TMPRSS9: variants seen among roughly 807,000 people sequenced by gnomAD.
The protein encoded by TMPRSS9 is transmembrane serine protease 9.
TMPRSS9 carries 113 observed loss-of-function variants against 111.4 expected under a neutral mutation model. The observed-to-expected ratio is 1.01, with a 90% CI of 0.87 to 1.19. TMPRSS9 has a LOEUF of 1.19. TMPRSS9 is among the 50% of genes most tolerant of loss of function. TMPRSS9 has a pLI of 0.00. For missense variants in TMPRSS9, 1,803 were observed against 1,513.1 expected, an observed-to-expected ratio of 1.19 and a Z score of -3.18; for synonymous variants, 805 against 659.1, an observed-to-expected ratio of 1.22 and a Z score of -3.39.
rs114622284 is a variant in TMPRSS9, at chr19:2,369,284, A to T, written c.-26+8924A>T. On this transcript the variant is annotated intron_variant, in intron 1 of 17. Coordinates refer to the TMPRSS9 transcript ENST00000649857. Reference sequence around the variant, plus strand: ...AAAAAAATTTTTTTGTACCTGGGTGAGTACGAAAGTGGAGCTGCTGTCTGA... The same window carrying T: ...AAAAAAATTTTTTTGTACCTGGGTGTGTACGAAAGTGGAGCTGCTGTCTGA... Among the ~76,000 whole-genome samples the T allele has an allele frequency of 4.9e-3, 744 of 152,268 alleles. 6 individuals carry two copies. Among genetic ancestry groups the T allele is most frequent in the African/African-American group, 0.017 (711 of 41,550 alleles).
chr19:2,382,921 G>T (rs1970403985), intron 1 of TMPRSS9, among the ~76,000 whole-genome samples: 1 of 152,202 alleles, frequency 6.6e-6, no homozygotes. Context: ...AGCTGATGCT[G>T]CAGTCTCAAG....
At chr19:2,364,269 G>A (rs1481836709) in intron 1 of TMPRSS9, among the ~76,000 whole-genome samples, 1 of 152,208 alleles carries the variant, frequency 6.6e-6, no homozygotes, top group Non-Finnish European at 1.5e-5. Flanking sequence ...AAGCTGAGGC[G>A]AACCTTGGGG....
intron 1 of TMPRSS9, among the ~76,000 whole-genome samples, chr19:2,392,445 G>A (rs10411938): frequency 0.54 from 82,390 of 151,564 alleles, 23,115 homozygotes; most frequent in Middle Eastern, 0.68. Context: ...AGTGGCTCAC[G>A]CCAGTAATCC....
At chr19:2,406,022 T>G (rs909447943) in intron 7 of TMPRSS9, among the ~76,000 whole-genome samples, 49 of 143,150 alleles carry the variant, frequency 3.4e-4, no homozygotes, top group African/African-American at 1.2e-3. Context: ...TTCTTTTTTT[T>G]TTTTTTGAGA....
chr19:2,414,885 A>G (rs573115447), intron 10 of TMPRSS9, among the ~76,000 whole-genome samples: 6 of 151,966 alleles, frequency 3.9e-5, no homozygotes, highest in Non-Finnish European at 8.8e-5. Context: ...CGAAAAAGAA[A>G]AAAGAAAACT....
At chr19:2,413,923 C>T (rs1324900933) in exon 10 of TMPRSS9, 1 of 1,612,766 alleles carries the variant, frequency 6.2e-7, no homozygotes. Flanking sequence ...GCCTGGCCCA[C>T]CAGTCCTGAG....
chr19:2,390,781 A>C (rs1340380548), intron 1 of TMPRSS9, among the ~76,000 whole-genome samples: 2 of 151,770 alleles, frequency 1.3e-5, no homozygotes, highest in African/African-American at 4.8e-5. Flanking sequence ...TGAACCTGGG[A>C]GGCAGAGGTT....
At chr19:2,383,022 A>G (rs10412133) in intron 1 of TMPRSS9, among the ~76,000 whole-genome samples, 59,187 of 151,918 alleles carry the variant, frequency 0.39, 11,986 homozygotes, top group East Asian at 0.6. Flanking sequence ...CCACCACATT[A>G]TGGAGGGTCA....
chr19:2,380,248 C>T (rs1970375798), intron 1 of TMPRSS9, among the ~76,000 whole-genome samples: 1 of 151,830 alleles, frequency 6.6e-6, no homozygotes, highest in Admixed American at 6.6e-5. Context: ...TGTGCCACTG[C>T]ACCCTAGCCT....
intron 10 of TMPRSS9, among the ~76,000 whole-genome samples, chr19:2,414,611 C>T (rs968595700): frequency 7.2e-5 from 11 of 151,750 alleles, no homozygotes; most frequent in East Asian, 4.0e-4. Context: ...TGCGGTGGCT[C>T]GTGCCTGTCA....
At chr19:2,398,967 C>A in intron 3 of TMPRSS9, 51 bp from the exon 5 acceptor site, 1 of 1,575,618 alleles carries the variant, frequency 6.3e-7, no homozygotes, top group Non-Finnish European at 8.6e-7. Flanking sequence ...CAGAAGATTC[C>A]AGCAGGGCGG....
chr19:2,392,233 T>G (rs12610988), intron 1 of TMPRSS9, among the ~76,000 whole-genome samples: 87,863 of 151,566 alleles, frequency 0.58, 25,886 homozygotes, highest in Middle Eastern at 0.74. Context: ...TAAAATTTTA[T>G]AATGTTTTCA....
intron 1 of TMPRSS9, among the ~76,000 whole-genome samples, chr19:2,368,905 C>T (rs1167288963): frequency 6.0e-5 from 9 of 150,422 alleles, no homozygotes; most frequent in African/African-American, 1.7e-4. Context: ...CTGCCTCAGC[C>T]TCCTGAGTAG....
rs745595748 is a variant in TMPRSS9 at position 2,422,230 on chromosome 19, C to T, written c.2531C>T (p.Thr844Ile). Residue 844 changes from threonine (T) to isoleucine (I), a missense_variant, in exon 14 of 18, where the codon ACA becomes ATA. Transcript: ENST00000648592. ...TTTCCAGACGCCCCGGAGGCCACCA[C>T]ACACACCCAGCTACCAGGTACCGGG... The T allele has an allele frequency of 5.7e-5, 86 of 1,512,078 alleles. No homozygotes were observed. The highest frequency in any genetic ancestry group is 6.4e-5 in the Non-Finnish European group (72 of 1,133,156). The allele number at this position is 1,512,078 out of a possible 1,614,324, so 93.7% of individuals were successfully genotyped here.
intron 2 of TMPRSS9, among the ~76,000 whole-genome samples, chr19:2,398,266 A>T (rs1361821555): frequency 1.3e-5 from 2 of 151,216 alleles, no homozygotes; most frequent in Non-Finnish European, 2.9e-5. Flanking sequence ...ACTGCACTCC[A>T]CCCCAGGCGA....
chr19:2,381,643 C>T (rs1970386699), intron 1 of TMPRSS9, among the ~76,000 whole-genome samples: 1 of 151,940 alleles, frequency 6.6e-6, no homozygotes, highest in African/African-American at 2.4e-5. Flanking sequence ...CTCCCCGCCA[C>T]CCTGGTACAT....
At chr19:2,393,157 G>A (rs985070168) in intron 1 of TMPRSS9, among the ~76,000 whole-genome samples, 4 of 152,142 alleles carry the variant, frequency 2.6e-5, no homozygotes, top group Admixed American at 1.3e-4. Flanking sequence ...AGCGGCAACC[G>A]GCTTGGGGAC....
chr19:2,424,118 A>G, exon 15 of TMPRSS9: 2 of 1,369,076 alleles, frequency 1.5e-6, no homozygotes, highest in Non-Finnish European at 1.9e-6. Context: ...CGCGCTCACC[A>G]GGATTGTGGG....
intron 1 of TMPRSS9, among the ~76,000 whole-genome samples, chr19:2,393,002 T>C (rs1970630107): frequency 6.6e-6 from 1 of 152,102 alleles, no homozygotes; most frequent in Non-Finnish European, 1.5e-5. Context: ...AGCTCAGGGA[T>C]TGTAAACACA....
Sources: gnomAD v4.1 joint callset for allele counts (sites outside exome capture counted in the v4.1 genomes callset) on GRCh38, gnomAD v4.1.1 for gene constraint, MANE v1.5 for transcripts, NCBI Gene and HGNC (gene_info 2026-07-23, HGNC 2026-07-21) for gene names.